GALNT7: variants seen among roughly 807,000 people sequenced by gnomAD.
GALNT7 encodes N-acetylgalactosaminyltransferase 7.
Under a neutral mutation model 82.1 loss-of-function variants are expected in GALNT7, and 60 were observed. That is an observed-to-expected ratio of 0.73 (90% CI 0.59 to 0.91). The LOEUF is 0.91. GALNT7 is among the 40% of genes least tolerant of loss of function. The probability of loss-of-function intolerance (pLI) is 0.00; values close to 1 mark genes in which losing one functional copy is unlikely to be tolerated. For missense variants in GALNT7, 660 were observed against 804.2 expected (o/e 0.82, Z 2.17); for synonymous variants, 243 against 275.1 (o/e 0.88, Z 1.15).
intron 1 of GALNT7, among the ~76,000 whole-genome samples, chr4:173,239,321 G>A (rs999214360): frequency 1.2e-4 from 18 of 152,150 alleles, no homozygotes; most frequent in African/African-American, 4.3e-4. Flanking sequence ...TATTCCAGCA[G>A]GATAATAGAT....
At chr4:173,194,078 A>G (rs951115085) in intron 1 of GALNT7, among the ~76,000 whole-genome samples, 1 of 152,190 alleles carries the variant, frequency 6.6e-6, no homozygotes, top group Non-Finnish European at 1.5e-5. Context: ...TAGTCTAGGA[A>G]CCAATTAAAT....
chr4:173,238,131 C>T (rs1444208923), intron 1 of GALNT7, among the ~76,000 whole-genome samples: 1 of 152,134 alleles, frequency 6.6e-6, no homozygotes, highest in Non-Finnish European at 1.5e-5. Flanking sequence ...TATATGCATA[C>T]ATAAATTATT....
chr4:173,253,395 C>T (rs1050911747), intron 2 of GALNT7, among the ~76,000 whole-genome samples: 1 of 152,068 alleles, frequency 6.6e-6, no homozygotes, highest in African/African-American at 2.4e-5. Context: ...TGGAAGACTA[C>T]ATGCCATTCA....
chr4:173,253,254 C>T (rs1734908045), intron 2 of GALNT7, among the ~76,000 whole-genome samples: 2 of 152,084 alleles, frequency 1.3e-5, no homozygotes, highest in African/African-American at 4.8e-5. Context: ...AGGGAAGACC[C>T]TGAAGGATGA....
At chr4:173,200,330 G>A (rs1222531176) in intron 1 of GALNT7, among the ~76,000 whole-genome samples, 4 of 152,082 alleles carry the variant, frequency 2.6e-5, no homozygotes, top group East Asian at 1.9e-4. Context: ...GAAAGAAAGC[G>A]ACTCAGATTA....
At chr4:173,204,442 T>C (rs1477293478) in intron 1 of GALNT7, among the ~76,000 whole-genome samples, 12 of 152,244 alleles carry the variant, frequency 7.9e-5, no homozygotes, top group Non-Finnish European at 1.5e-4. Context: ...GACTCTCTTC[T>C]TCAATTCAGT....
chr4:173,235,411 T>C (rs1424853124), intron 1 of GALNT7, among the ~76,000 whole-genome samples: 1 of 152,244 alleles, frequency 6.6e-6, no homozygotes, highest in Non-Finnish European at 1.5e-5. Context: ...TTGCTTGGCA[T>C]AGGCCTTCCT....
At chr4:173,198,788 G>A (rs551089139) in intron 1 of GALNT7, among the ~76,000 whole-genome samples, 3 of 152,290 alleles carry the variant, frequency 2.0e-5, no homozygotes, top group South Asian at 2.1e-4. Context: ...GGGAGAGAGA[G>A]ATGAGTAAAA....
At chr4:173,262,754 T>C (rs1156607123) in intron 2 of GALNT7, among the ~76,000 whole-genome samples, 2 of 151,732 alleles carry the variant, frequency 1.3e-5, no homozygotes, top group African/African-American at 4.8e-5. Context: ...CGCTTTTCCT[T>C]GACACACCCA....
chr4:173,246,143 C>T (rs141643777), intron 1 of GALNT7, among the ~76,000 whole-genome samples: 225 of 152,258 alleles, frequency 1.5e-3, no homozygotes, highest in African/African-American at 4.9e-3. Flanking sequence ...CTGGAAATTA[C>T]AGAAAACTGA....
intron 2 of GALNT7, among the ~76,000 whole-genome samples, chr4:173,278,420 C>T (rs1360344708): frequency 6.6e-6 from 1 of 152,152 alleles, no homozygotes; most frequent in East Asian, 1.9e-4. Context: ...ACCTCATATT[C>T]CTCCATATAA....
chr4:173,230,149 C>A (rs1204098593), intron 1 of GALNT7, among the ~76,000 whole-genome samples: 1 of 152,134 alleles, frequency 6.6e-6, no homozygotes, highest in Non-Finnish European at 1.5e-5. Context: ...GTGTAGTCTT[C>A]CAATAAATTA....
chr4:173,258,047 G>T (rs998121502), intron 2 of GALNT7, among the ~76,000 whole-genome samples: 3 of 152,110 alleles, frequency 2.0e-5, no homozygotes, highest in Non-Finnish European at 2.9e-5. Context: ...TGGGGAAGGG[G>T]TATTAAAGGA....
rs1311291484 is a variant in GALNT7, at chr4:173,248,130, A to T, written c.277A>T (p.Asn93Tyr). The change falls in exon 2 of 12, where the codon AAT (asparagine) becomes TAT (tyrosine). Residue 93 changes from asparagine (N) to tyrosine (Y), a missense_variant. Physicochemically the swap from Asn to Tyr is moderately radical, Grantham distance 143. Transcript: ENST00000265000. ...TATTAGAAGAATAAACAAGGCCAAA[A>T]ATGAACAAGAGCACCATGCTGGAGG... Reference protein sequence around the residue: ...ESIRRINKAKNEQEHHAGGDS... With the variant: ...ESIRRINKAKYEQEHHAGGDS... 6.2e-7 allele frequency: 1 copy of T among 1,613,948 alleles called. No homozygotes were observed.
At position 173,261,459 on chromosome 4, in the gene GALNT7, A is replaced by C. The variant is rs142950854; in HGVS notation, c.587+13019A>C. ...GAGGCAATGTTATTCAAGGACCTGCACTACACTTATTTAATAACTTGGCTT... is the reference window on the plus strand; with the variant it reads ...GAGGCAATGTTATTCAAGGACCTGCCCTACACTTATTTAATAACTTGGCTT... On this transcript the variant is annotated intron_variant, in intron 2 of 11. Coordinates refer to ENST00000265000, the MANE Select transcript of GALNT7 (RefSeq NM_017423.3). Among the ~76,000 whole-genome samples the C allele has an allele frequency of 5.3e-3, 803 of 152,008 alleles. 10 individuals are homozygous for C. The highest frequency in any genetic ancestry group is 0.019 in the African/African-American group (776 of 41,460).
At chr4:173,258,899 A>G (rs1237522992) in intron 2 of GALNT7, among the ~76,000 whole-genome samples, 1 of 152,138 alleles carries the variant, frequency 6.6e-6, no homozygotes, top group Non-Finnish European at 1.5e-5. Flanking sequence ...TTATTGCAGA[A>G]TTTTTTCTTG....
intron 1 of GALNT7, among the ~76,000 whole-genome samples, chr4:173,220,357 T>C (rs189686067): frequency 1.3e-5 from 2 of 152,316 alleles, no homozygotes; most frequent in African/African-American, 4.8e-5. Flanking sequence ...TATATGCCTA[T>C]TTTTATACCA....
At chr4:173,263,839 G>T (rs1735372261) in intron 2 of GALNT7, among the ~76,000 whole-genome samples, 1 of 152,126 alleles carries the variant, frequency 6.6e-6, no homozygotes, top group Non-Finnish European at 1.5e-5. Context: ...AAAGTCTAGA[G>T]ATAGTGCTAA....
At chr4:173,267,859 G>T (rs1255891539) in intron 2 of GALNT7, among the ~76,000 whole-genome samples, 1 of 152,142 alleles carries the variant, frequency 6.6e-6, no homozygotes, top group Non-Finnish European at 1.5e-5. Flanking sequence ...ACCGGTTGGA[G>T]GTCACAGTTG....
Sources: allele counts gnomAD v4.1 joint callset (sites outside exome capture counted in the v4.1 genomes callset), GRCh38; gene constraint gnomAD v4.1.1; transcripts MANE v1.5; gene names NCBI Gene and HGNC (gene_info 2026-07-23, HGNC 2026-07-21).